Variants in ARMC9 observed in about 807,000 individuals in gnomAD.
The protein encoded by ARMC9 is lisH domain-containing protein ARMC9.
A neutral mutation model predicts 107.0 loss-of-function variants in ARMC9; 94 were observed. The observed-to-expected ratio is 0.88, with a 90% confidence interval of 0.74 to 1.04. The LOEUF (loss-of-function observed/expected upper bound fraction) is 1.04, where lower values mean the gene tolerates loss of function less well. ARMC9 is among the 50% of genes least tolerant of loss of function. The pLI is 0.00. For synonymous variants in ARMC9, 380 were observed against 396.9 expected, an observed-to-expected ratio of 0.96 and a Z score of 0.51; for missense variants, 942 against 1,030.1, an observed-to-expected ratio of 0.91 and a Z score of 1.17.
chr2:231,265,155 G>A (rs998886132), intron 12 of ARMC9, among the ~76,000 whole-genome samples: 4 of 152,092 alleles, frequency 2.6e-5, no homozygotes, highest in Admixed American at 2.6e-4. Context: ...ACTGCTGGTG[G>A]CAATGTAAAT....
chr2:231,280,914 C>T (rs551502560), intron 16 of ARMC9, among the ~76,000 whole-genome samples: 11 of 152,240 alleles, frequency 7.2e-5, no homozygotes, highest in Middle Eastern at 3.4e-3. Context: ...TAAAAACAAC[C>T]GTAGGATGCC....
Position 231,262,397 on chromosome 2 carries a change from A to G in ARMC9, c.1118A>G (p.Gln373Arg), listed in dbSNP as rs1463520866. The G allele has an allele frequency of 1.1e-5, 17 of 1,613,960 alleles. No individual in the cohort carries two copies. Among genetic ancestry groups the G allele is most frequent in the Non-Finnish European group, 1.4e-5 (17 of 1,179,846 alleles). The part of the protein sequence containing the change: ...NDLLDCYSHN[Q>R]RSVLQLLHST... ...CTCTTGGACTGTTATAGCCACAACC[A>G]GGTTGGTAAGAGGTGGGGCCAGATC... Residue 373 changes from glutamine to arginine, a missense_variant and splice_region_variant, in exon 12 of 25, where the codon CAG (glutamine) becomes CGG (arginine). Physicochemically the swap from Gln to Arg is conservative, Grantham distance 43. Coordinates refer to ENST00000611582, the MANE Select transcript of ARMC9 (RefSeq NM_001352754.2).
chr2:231,291,553 C>A, intron 18 of ARMC9, 110 bp downstream of exon 18: 1 of 1,093,114 alleles, frequency 9.1e-7, no homozygotes, highest in South Asian at 1.3e-5. Context: ...CACGGTGGCT[C>A]GTGCTTATAA....
chr2:231,365,473 T>G (rs2045777603), intron 23 of ARMC9, among the ~76,000 whole-genome samples: 1 of 152,154 alleles, frequency 6.6e-6, no homozygotes, highest in African/African-American at 2.4e-5. Context: ...GGATCCTGTG[T>G]CCCTTCTGTT....
chr2:231,240,071 C>T (rs751946881), intron 9 of ARMC9, 30 bp downstream of exon 9: 20 of 1,556,118 alleles, frequency 1.3e-5, no homozygotes, highest in African/African-American at 5.4e-5. Flanking sequence ...GCAGGGTGCC[C>T]GTGGTCTATC....
chr2:231,367,035 A>G (rs927380602), intron 23 of ARMC9, among the ~76,000 whole-genome samples: 4 of 151,628 alleles, frequency 2.6e-5, no homozygotes, highest in Admixed American at 6.6e-5. Context: ...TGTTTTTAGT[A>G]GAGATGGGGT....
intron 12 of ARMC9, among the ~76,000 whole-genome samples, chr2:231,265,566 A>G (rs1177336182): frequency 6.6e-6 from 1 of 152,220 alleles, no homozygotes; most frequent in Non-Finnish European, 1.5e-5. Flanking sequence ...CAAAAATTTT[A>G]TAATGGACCT....
In ARMC9 at chr2:231,362,888, T is replaced by C. The variant is rs2045648832; in HGVS notation, c.2261+2005T>C. On this transcript the variant is annotated intron_variant, in intron 23 of 24. Transcript: ENST00000611582. The surrounding 1 kb of genome is among the most constrained non-coding windows in gnomAD (Gnocchi z 4.7). Reference sequence around the variant, plus strand: ...CTCCTGCCTGACCCCAAAGTGCGGGTCACGCCCTTCTGCCAGGCTCACAGA... The same window carrying C: ...CTCCTGCCTGACCCCAAAGTGCGGGCCACGCCCTTCTGCCAGGCTCACAGA... The C allele has an allele frequency of 6.5e-6, 1 of 154,128 alleles. No individual in the cohort carries two copies. Among genetic ancestry groups the C allele is most frequent in the Admixed American group, 6.6e-5 (1 of 15,258 alleles). The allele number at this position is 154,128 out of a possible 1,614,324, so 9.5% of individuals were successfully genotyped here. A position where few individuals can be genotyped will look rare whatever the true frequency, so the allele number is the denominator to read the frequency against.
At chr2:231,264,300 T>A (rs942499416) in intron 12 of ARMC9, among the ~76,000 whole-genome samples, 2 of 152,124 alleles carry the variant, frequency 1.3e-5, no homozygotes, top group South Asian at 2.1e-4. Context: ...TGCCTCAGCC[T>A]CCCAAGTAGC....
intron 12 of ARMC9, among the ~76,000 whole-genome samples, chr2:231,268,749 T>G (rs2039061553): frequency 6.6e-6 from 1 of 152,160 alleles, no homozygotes. Context: ...GTCTTTTAGG[T>G]TCCAGTTTTG....
At position 231,358,470 on chromosome 2, in the gene ARMC9, G is replaced by C. The variant is rs1011568759; in HGVS notation, c.2132-2284G>C. ...TCCCGCCTCGGCCTCCCAAAGTGCT[G>C]GGATTACAGGCATGGGGCCCCCTCC... is the stretch of plus-strand genomic sequence containing the variant. On this transcript the variant is annotated intron_variant, in intron 22 of 24. Transcript: ENST00000611582. The surrounding 1 kb of genome is among the most constrained non-coding windows in gnomAD (Gnocchi z 4.5). 6.6e-6 allele frequency among the ~76,000 whole-genome samples: 1 copy of C among 152,174 alleles called. No individual in the cohort carries two copies. Among genetic ancestry groups the C allele is most frequent in the African/African-American group, 2.4e-5 (1 of 41,436 alleles).
intron 19 of ARMC9, among the ~76,000 whole-genome samples, chr2:231,314,572 A>G (rs542529545): frequency 6.6e-6 from 1 of 152,284 alleles, no homozygotes; most frequent in South Asian, 2.1e-4. Flanking sequence ...AGGCTGTGCT[A>G]TGCGTTATTG....
In ARMC9 at chr2:231,338,535, C is replaced by CTTT. The variant is rs764466867; in HGVS notation, c.1879-6420_1879-6418dup. Among the ~76,000 whole-genome samples the CTTT allele has an allele frequency of 7.9e-4, 83 of 104,822 alleles. 3 individuals are homozygous for CTTT. Among genetic ancestry groups the CTTT allele is most frequent in the African/African-American group, 2.3e-3 (54 of 23,230 alleles). 68.8% of individuals were successfully genotyped at this position (104,822 alleles called of 152,430 possible). ...AGCCACCTCGCCCGGCCCCAATTCA[C>CTTT]TTTTTTTTTTTTTTTTTTTTTTGCG... On this transcript the variant is annotated intron_variant, in intron 20 of 24. Transcript: ENST00000611582.
At chr2:231,228,816 C>T (rs2034926692) in intron 7 of ARMC9, among the ~76,000 whole-genome samples, 1 of 152,076 alleles carries the variant, frequency 6.6e-6, no homozygotes, top group South Asian at 2.1e-4. Flanking sequence ...GACCCCCAGG[C>T]AATGGGGGCA....
intron 15 of ARMC9, among the ~76,000 whole-genome samples, chr2:231,277,687 C>G (rs140204053): frequency 6.6e-6 from 1 of 151,702 alleles, no homozygotes; most frequent in Admixed American, 6.6e-5. Context: ...CTCAGCCTCC[C>G]GAGTAGCTGG....
intron 9 of ARMC9, among the ~76,000 whole-genome samples, chr2:231,246,915 C>T (rs1289961669): frequency 2.6e-5 from 4 of 151,934 alleles, no homozygotes; most frequent in Non-Finnish European, 4.4e-5. Flanking sequence ...ACCTCAGTCT[C>T]CCAAGCAGCT....
At chr2:231,238,775 T>C (rs1315473189) in intron 8 of ARMC9, among the ~76,000 whole-genome samples, 1 of 152,230 alleles carries the variant, frequency 6.6e-6, no homozygotes, top group Non-Finnish European at 1.5e-5. Context: ...CTGAGTCACT[T>C]CACATGTAGC....
At chr2:231,300,053 G>A (rs2041629169) in intron 19 of ARMC9, among the ~76,000 whole-genome samples, 2 of 152,170 alleles carry the variant, frequency 1.3e-5, no homozygotes, top group Admixed American at 6.5e-5. Context: ...GCCTGGTTCC[G>A]TTGTTCTCAC....
chr2:231,336,942 C>T (rs753586457), intron 20 of ARMC9, among the ~76,000 whole-genome samples: 2 of 152,128 alleles, frequency 1.3e-5, no homozygotes, highest in Non-Finnish European at 2.9e-5. Flanking sequence ...CCTGGGCGAG[C>T]CCCTGGAGAC....
Sources: gnomAD v4.1 joint callset for allele counts (sites outside exome capture counted in the v4.1 genomes callset) on GRCh38, gnomAD v4.1.1 for gene constraint, Gnocchi (gnomAD v3.1) non-coding constraint, MANE v1.5 for transcripts, NCBI Gene and HGNC (gene_info 2026-07-23, HGNC 2026-07-21) for gene names.